The following LEF1 variants were observed in gnomAD, a reference collection of about 807,000 sequenced individuals.
LEF1 encodes the protein lymphoid enhancer binding factor 1.
Under a neutral mutation model 51.2 loss-of-function variants are expected in LEF1, and 14 were observed. That is an observed-to-expected ratio of 0.27 (90% CI 0.18 to 0.43). The LOEUF (loss-of-function observed/expected upper bound fraction) is 0.43, where lower values mean the gene tolerates loss of function less well. Ranked by LOEUF, LEF1 falls within the 20% of genes least tolerant of loss-of-function variation. The pLI is 1.00. For synonymous variants in LEF1, 185 were observed against 183.2 expected (o/e 1.01, Z -0.08); for missense variants, 386 against 512.0 (o/e 0.75, Z 2.37).
rs192746682 is a variant in LEF1 at position 108,159,275 on chromosome 4, C to G, written c.414+4293G>C. On this transcript the variant is annotated intron_variant, in intron 3 of 11. Transcript: ENST00000265165. ...GATCAAACAGGAAACTTTGGGGGCTCTGAGGAATTTTCCCACACATTCTCC... is the reference window on the plus strand; with the variant it reads ...GATCAAACAGGAAACTTTGGGGGCTGTGAGGAATTTTCCCACACATTCTCC... Among the ~76,000 whole-genome samples the G allele has an allele frequency of 1.4e-3, 220 of 152,176 alleles. 4 individuals carry two copies. The highest frequency in any genetic ancestry group is 4.6e-3 in the South Asian group (22 of 4,818).
chr4:108,158,911 T>C (rs1578409164), intron 3 of LEF1, among the ~76,000 whole-genome samples: 1 of 151,888 alleles, frequency 6.6e-6, no homozygotes, highest in Non-Finnish European at 1.5e-5. Context: ...AAGACCTGTA[T>C]GGGAGTGGAA....
intron 3 of LEF1, among the ~76,000 whole-genome samples, chr4:108,096,976 T>C (rs1156461121): frequency 1.3e-5 from 2 of 152,186 alleles, no homozygotes; most frequent in Non-Finnish European, 2.9e-5. Context: ...AAGGGAAACT[T>C]TGTACACTGC....
intron 4 of LEF1, among the ~76,000 whole-genome samples, chr4:108,086,068 G>A (rs2110260262): frequency 6.6e-6 from 1 of 152,288 alleles, no homozygotes; most frequent in Middle Eastern, 3.4e-3. Context: ...CACTTGGCAT[G>A]TACATGCAAA....
chr4:108,159,790 A>G (rs1744954321), intron 3 of LEF1, among the ~76,000 whole-genome samples: 1 of 152,272 alleles, frequency 6.6e-6, no homozygotes, highest in African/African-American at 2.4e-5. Context: ...GAACTAAGTT[A>G]TACAAGGTAA....
chr4:108,076,249 C>T (rs1362609615), intron 8 of LEF1, among the ~76,000 whole-genome samples: 2 of 152,086 alleles, frequency 1.3e-5, no homozygotes, highest in South Asian at 2.1e-4. Flanking sequence ...TATTTATTGG[C>T]TATTTATTTG....
At chr4:108,139,344 T>G (rs562559410) in intron 3 of LEF1, among the ~76,000 whole-genome samples, 1 of 152,376 alleles carries the variant, frequency 6.6e-6, no homozygotes, top group Non-Finnish European at 1.5e-5. Flanking sequence ...AAAGTTATGA[T>G]GGTTTTAGTC....
intron 3 of LEF1, among the ~76,000 whole-genome samples, chr4:108,120,439 C>G (rs1203669015): frequency 6.6e-6 from 1 of 152,192 alleles, no homozygotes; most frequent in Non-Finnish European, 1.5e-5. Context: ...TGTAGAAATT[C>G]TAGCCTCACA....
chr4:108,092,939 A>AAAAAAAAAAAAAAAAAAAAAAC (rs1553952202), intron 3 of LEF1, among the ~76,000 whole-genome samples: 28 of 90,706 alleles, frequency 3.1e-4, no homozygotes, highest in East Asian at 6.7e-4. Flanking sequence ...AAAAAAAAAA[A>AAAAAAAAAAAAAAAAAAAAAAC]AAAAAAAAAA....
chr4:108,137,458 T>G (rs1743371437), intron 3 of LEF1, among the ~76,000 whole-genome samples: 1 of 152,196 alleles, frequency 6.6e-6, no homozygotes, highest in Non-Finnish European at 1.5e-5. Flanking sequence ...ACAACTTAGA[T>G]TTTTCAATGT....
chr4:108,093,690 A>G (rs946881870), intron 3 of LEF1, among the ~76,000 whole-genome samples: 3 of 152,200 alleles, frequency 2.0e-5, no homozygotes, highest in African/African-American at 4.8e-5. Flanking sequence ...CCAACTGCAC[A>G]TTCTTTAATC....
rs1255459440 is a variant in LEF1 at position 108,099,542 on chromosome 4, A to G, written c.415-10285T>C. Among the ~76,000 whole-genome samples, 7 of 116,980 alleles carry G rather than the reference A, an allele frequency of 6.0e-5. No homozygotes were observed. The South Asian group carries it at 8.1e-4, about 14-fold the overall frequency. The allele number at this position is 116,980 out of a possible 152,430, so 76.7% of individuals were successfully genotyped here. Reference sequence around the variant, plus strand: ...TGTATATATATATATATATGTGTATATGTGTGTGTGTGTATGTGTGTGTGT... The same window carrying G: ...TGTATATATATATATATATGTGTATGTGTGTGTGTGTGTATGTGTGTGTGT... On this transcript the variant is annotated intron_variant, in intron 3 of 11. Coordinates refer to ENST00000265165, the MANE Select transcript of LEF1 (RefSeq NM_016269.5).
chr4:108,060,430 C>T (rs953346078), intron 11 of LEF1, among the ~76,000 whole-genome samples: 2 of 152,292 alleles, frequency 1.3e-5, no homozygotes, highest in South Asian at 4.2e-4. Flanking sequence ...CAATCCTTCA[C>T]TTATACTGAG....
intron 3 of LEF1, chr4:108,104,596 A>T: frequency 1.4e-6 from 1 of 712,660 alleles, no homozygotes; most frequent in Non-Finnish European, 1.7e-6. Flanking sequence ...CTATATAACC[A>T]GTGTCCAACC....
At chr4:108,050,998 T>C (rs1290610419) in intron 11 of LEF1, among the ~76,000 whole-genome samples, 1 of 152,192 alleles carries the variant, frequency 6.6e-6, no homozygotes. Flanking sequence ...TCTCTTAAGC[T>C]GAGTACAAGT....
intron 11 of LEF1, among the ~76,000 whole-genome samples, chr4:108,061,621 A>C (rs1269523510): frequency 7.7e-6 from 1 of 129,260 alleles, no homozygotes; most frequent in African/African-American, 2.7e-5. Context: ...AGTGTTCAGT[A>C]ATTAAAACAA....
intron 11 of LEF1, among the ~76,000 whole-genome samples, chr4:108,052,911 T>C (rs1737094248): frequency 6.6e-6 from 1 of 152,220 alleles, no homozygotes. Flanking sequence ...ACAGTTTGCA[T>C]CTTCCCACCC....
At chr4:108,131,916 T>C (rs543947725) in intron 3 of LEF1, among the ~76,000 whole-genome samples, 1 of 152,344 alleles carries the variant, frequency 6.6e-6, no homozygotes, top group East Asian at 1.9e-4. Context: ...GGGTTATTTC[T>C]TTCTAGTGCA....
At chr4:108,123,432 G>GTTTTTT (rs34015287) in intron 3 of LEF1, among the ~76,000 whole-genome samples, 1 of 72,370 alleles carries the variant, frequency 1.4e-5, no homozygotes, top group African/African-American at 6.5e-5. Flanking sequence ...GCTAGGGTTG[G>GTTTTTT]TTTTTTTTTT....
At chr4:108,132,864 T>G (rs1329736042) in intron 3 of LEF1, among the ~76,000 whole-genome samples, 3 of 151,140 alleles carry the variant, frequency 2.0e-5, no homozygotes, top group Admixed American at 2.0e-4. Context: ...AGAGATGGGG[T>G]TTCCCCATGT....
Sources: gnomAD v4.1 joint callset for allele counts (sites outside exome capture counted in the v4.1 genomes callset) on GRCh38, gnomAD v4.1.1 for gene constraint, MANE v1.5 for transcripts, NCBI Gene and HGNC (gene_info 2026-07-23, HGNC 2026-07-21) for gene names.